LRMDA: variants seen among roughly 807,000 people sequenced by gnomAD.
LRMDA encodes leucine rich melanocyte differentiation associated.
In LRMDA, 18 loss-of-function variants were observed where a neutral mutation model predicts 29.8. The observed-to-expected ratio is 0.60, with a 90% CI of 0.42 to 0.90. The LOEUF is 0.90. LRMDA is among the 40% of genes least tolerant of loss of function. The pLI is 0.00. For synonymous variants in LRMDA, 125 were observed against 109.4 expected, an observed-to-expected ratio of 1.14 and a Z score of -0.89; for missense variants, 273 against 273.9, an observed-to-expected ratio of 1.00 and a Z score of 0.02.
chr10:76,158,371 G>A (rs1208192217), intron 5 of LRMDA, among the ~76,000 whole-genome samples: 1 of 152,076 alleles, frequency 6.6e-6, no homozygotes, highest in African/African-American at 2.4e-5. Context: ...AATGGCAGGT[G>A]TAGACTTTAC....
At chr10:76,411,044 G>T (rs915436532) in intron 6 of LRMDA, among the ~76,000 whole-genome samples, 2 of 152,136 alleles carry the variant, frequency 1.3e-5, no homozygotes, top group African/African-American at 2.4e-5. Flanking sequence ...TGCAATTCAT[G>T]CAAGAGATGT....
At chr10:75,699,758 A>T (rs149292204) in intron 2 of LRMDA, among the ~76,000 whole-genome samples, 30 of 152,296 alleles carry the variant, frequency 2.0e-4, no homozygotes, top group African/African-American at 7.2e-4. Flanking sequence ...GTTACCTTAT[A>T]TGGAAAAAGG....
intron 2 of LRMDA, among the ~76,000 whole-genome samples, chr10:75,783,766 A>G (rs1236592342): frequency 2.0e-5 from 3 of 152,204 alleles, no homozygotes; most frequent in Non-Finnish European, 4.4e-5. Context: ...CAGGCACATT[A>G]CCTGGGACAT....
At chr10:75,520,519 C>T (rs1845344632) in intron 2 of LRMDA, among the ~76,000 whole-genome samples, 1 of 152,204 alleles carries the variant, frequency 6.6e-6, no homozygotes, top group Admixed American at 6.5e-5. Flanking sequence ...CCATGGTTTT[C>T]AGCTCCATCA....
At chr10:75,622,003 C>A (rs1261847753) in intron 2 of LRMDA, among the ~76,000 whole-genome samples, 1 of 152,086 alleles carries the variant, frequency 6.6e-6, no homozygotes, top group African/African-American at 2.4e-5. Flanking sequence ...ACACATAATC[C>A]GGGGGCCTCA....
At chr10:75,571,098 G>C (rs919949163) in intron 2 of LRMDA, among the ~76,000 whole-genome samples, 1 of 152,128 alleles carries the variant, frequency 6.6e-6, no homozygotes, top group African/African-American at 2.4e-5. Flanking sequence ...CCCATGGTTT[G>C]GGCTACTGCA....
intron 5 of LRMDA, among the ~76,000 whole-genome samples, chr10:76,120,828 CT>C (rs978706586): frequency 0.026 from 3,404 of 130,898 alleles, 107 homozygotes; most frequent in African/African-American, 0.082. Context: ...GTTGATTGTT[CT>C]TTTTTTTTTT....
intron 5 of LRMDA, among the ~76,000 whole-genome samples, chr10:76,248,731 TGGGAGAGGAA>T (rs1852420534): frequency 6.6e-6 from 1 of 151,304 alleles, no homozygotes; most frequent in Admixed American, 6.5e-5. Flanking sequence ...AGAATTTTTC[TGGGAGAGGAA>T]CATCTCTATC....
intron 5 of LRMDA, among the ~76,000 whole-genome samples, chr10:76,227,846 G>A (rs1164459944): frequency 1.3e-5 from 2 of 152,008 alleles, no homozygotes; most frequent in South Asian, 2.1e-4. Flanking sequence ...GGATATAGAG[G>A]TATAAGAAGA....
chr10:75,639,028 T>C (rs951869630), intron 2 of LRMDA, among the ~76,000 whole-genome samples: 4 of 152,240 alleles, frequency 2.6e-5, no homozygotes, highest in Non-Finnish European at 4.4e-5. Flanking sequence ...ATTTACTGTT[T>C]TATTACGTTT....
chr10:75,933,892 G>A (rs1181085305), intron 2 of LRMDA, among the ~76,000 whole-genome samples: 1 of 152,098 alleles, frequency 6.6e-6, no homozygotes, highest in Non-Finnish European at 1.5e-5. Flanking sequence ...CCTCCTAGTT[G>A]CTCACTCTTA....
At chr10:76,344,135 A>G (rs747134164) in intron 6 of LRMDA, among the ~76,000 whole-genome samples, 39 of 152,030 alleles carry the variant, frequency 2.6e-4, no homozygotes, top group Non-Finnish European at 3.8e-4. Context: ...TGATTTTTGC[A>G]CTTGGAATTT....
chr10:76,415,356 G>A (rs1430202583), intron 6 of LRMDA, among the ~76,000 whole-genome samples: 2 of 152,202 alleles, frequency 1.3e-5, no homozygotes, highest in African/African-American at 2.4e-5. Context: ...TCCATTTGGG[G>A]AAAGGTAGAT....
chr10:76,125,634 C>T (rs1308494642), intron 5 of LRMDA, among the ~76,000 whole-genome samples: 6 of 152,024 alleles, frequency 3.9e-5, no homozygotes, highest in African/African-American at 1.4e-4. Context: ...GGAGAGGCTC[C>T]CAAAAGGTGG....
intron 6 of LRMDA, among the ~76,000 whole-genome samples, chr10:76,532,583 T>C (rs887755514): frequency 6.6e-6 from 1 of 152,140 alleles, no homozygotes; most frequent in South Asian, 2.1e-4. Context: ...TGTGTAGTGG[T>C]TGTGTGATGG....
At chr10:76,071,695 C>G (rs781421713) in intron 5 of LRMDA, among the ~76,000 whole-genome samples, 3 of 152,202 alleles carry the variant, frequency 2.0e-5, no homozygotes, top group African/African-American at 7.2e-5. Flanking sequence ...CTGCTACAAA[C>G]AGTTCACTGT....
At chr10:75,778,710 G>C (rs2077363304) in intron 2 of LRMDA, among the ~76,000 whole-genome samples, 1 of 152,182 alleles carries the variant, frequency 6.6e-6, no homozygotes, top group Non-Finnish European at 1.5e-5. Context: ...ACACTCACCT[G>C]GTTAAAGAGA....
intron 5 of LRMDA, among the ~76,000 whole-genome samples, chr10:76,282,561 G>T (rs1315132897): frequency 6.6e-6 from 1 of 152,178 alleles, no homozygotes; most frequent in Non-Finnish European, 1.5e-5. Flanking sequence ...AGCTTGATGA[G>T]ATTAAACAAT....
chr10:75,553,724 A>C (rs1266071967), intron 2 of LRMDA, among the ~76,000 whole-genome samples: 3 of 152,122 alleles, frequency 2.0e-5, no homozygotes, highest in Non-Finnish European at 4.4e-5. Context: ...CCTTTTAAGG[A>C]GGAAGTGGCT....
Sources: gnomAD v4.1 joint callset for allele counts (sites outside exome capture counted in the v4.1 genomes callset) on GRCh38, gnomAD v4.1.1 for gene constraint, MANE v1.5 for transcripts, NCBI Gene and HGNC (gene_info 2026-07-23, HGNC 2026-07-21) for gene names.